SLC44A5: variants seen among roughly 807,000 people sequenced by gnomAD.
The protein encoded by SLC44A5 is choline transporter-like protein 5.
Under a neutral mutation model 101.8 loss-of-function variants are expected in SLC44A5, and 57 were observed. The observed-to-expected ratio is 0.56, with a 90% CI of 0.45 to 0.70. The LOEUF (loss-of-function observed/expected upper bound fraction) is 0.70, where lower values mean the gene tolerates loss of function less well. Among genes scored for constraint, SLC44A5 ranks in the 30% least tolerant of loss-of-function variants. The probability of loss-of-function intolerance (pLI) is 0.00; values close to 1 mark genes in which losing one functional copy is unlikely to be tolerated. For synonymous variants in SLC44A5, 281 were observed against 290.9 expected (o/e 0.97, Z 0.35); for missense variants, 737 against 853.1 (o/e 0.86, Z 1.70).
intron 4 of SLC44A5, among the ~76,000 whole-genome samples, chr1:75,318,326 A>G (rs1381489958): frequency 6.6e-6 from 1 of 151,856 alleles, no homozygotes; most frequent in African/African-American, 2.4e-5. Flanking sequence ...ACAGTGAGTG[A>G]TGATTGTGCC....
At chr1:75,248,183 CAG>C (rs1220724792) in intron 7 of SLC44A5, among the ~76,000 whole-genome samples, 1 of 151,932 alleles carries the variant, frequency 6.6e-6, no homozygotes, top group Non-Finnish European at 1.5e-5. Flanking sequence ...ATACTAGAGA[CAG>C]AGAGGAATGG....
At chr1:75,573,146 A>G (rs2102043660) in intron 1 of SLC44A5, among the ~76,000 whole-genome samples, 1 of 150,016 alleles carries the variant, frequency 6.7e-6, no homozygotes, top group Admixed American at 6.6e-5. Context: ...AAAAAAAAAA[A>G]AAAAAAAAGG....
At chr1:75,703,711 A>G in the SLC44A5 span, among the ~76,000 whole-genome samples, 319 of 152,182 alleles carry the variant, frequency 2.1e-3, 2 homozygotes, top group African/African-American at 7.2e-3. Context: ...GTGTGTCAGA[A>G]GGCATACAGC....
At chr1:75,611,204 A>G, upstream of SLC44A5, 1 of 485,268 alleles carries the variant, frequency 2.1e-6, no homozygotes, top group Non-Finnish European at 2.7e-6. Context: ...AGGTCCTACT[A>G]GCCTTGCTAG....
Position 75,241,930 on chromosome 1 carries a change from A to C in SLC44A5, c.532+71T>G, listed in dbSNP as rs1648666398. 8 of 1,344,118 alleles carry C rather than the reference A, an allele frequency of 6.0e-6. No homozygotes were observed. The South Asian group carries it at 9.5e-5, about 16-fold the overall frequency. 83.3% of individuals were successfully genotyped at this position (1,344,118 alleles called of 1,614,324 possible). On this transcript the variant is annotated intron_variant, in intron 9 of 23. Coordinates refer to ENST00000370859, the MANE Select transcript of SLC44A5 (RefSeq NM_001130058.2). ...CTTGGCCTCAGTCTCATCAATTGTGAAATACGGGAACTTAATTAAGTAGCA... is the reference window on the plus strand; with the variant it reads ...CTTGGCCTCAGTCTCATCAATTGTGCAATACGGGAACTTAATTAAGTAGCA...
the SLC44A5 span, among the ~76,000 whole-genome samples, chr1:75,627,598 G>T: frequency 6.6e-6 from 1 of 151,948 alleles, no homozygotes; most frequent in African/African-American, 2.4e-5. Context: ...CAGGAGGATT[G>T]CTTGAAACCA....
the SLC44A5 span, among the ~76,000 whole-genome samples, chr1:75,717,248 T>C: frequency 6.8e-6 from 1 of 147,762 alleles, no homozygotes; most frequent in Non-Finnish European, 1.5e-5. Context: ...GGCTGAGGCA[T>C]GAGAATCACT....
At chr1:75,662,501 G>C in the SLC44A5 span, among the ~76,000 whole-genome samples, 2 of 152,042 alleles carry the variant, frequency 1.3e-5, no homozygotes, top group Non-Finnish European at 2.9e-5. Context: ...ATAGCTAGAA[G>C]AGAAGATATG....
intron 18 of SLC44A5, among the ~76,000 whole-genome samples, chr1:75,216,776 T>C (rs1033341920): frequency 2.0e-5 from 3 of 152,166 alleles, no homozygotes; most frequent in East Asian, 3.9e-4. Context: ...TCTATTCAAG[T>C]TCTTTGTCCA....
At chr1:75,679,977 A>G in the SLC44A5 span, among the ~76,000 whole-genome samples, 4 of 152,212 alleles carry the variant, frequency 2.6e-5, no homozygotes, top group African/African-American at 9.7e-5. Flanking sequence ...TCTCTGATAA[A>G]AAAGACTTTA....
intron 2 of SLC44A5, among the ~76,000 whole-genome samples, chr1:75,485,875 C>A (rs1668124644): frequency 6.6e-6 from 1 of 152,044 alleles, no homozygotes; most frequent in Non-Finnish European, 1.5e-5. Context: ...TGGTCAGGGG[C>A]AGGAAGTACC....
intron 1 of SLC44A5, among the ~76,000 whole-genome samples, chr1:75,601,214 T>C (rs1162431990): frequency 6.6e-6 from 1 of 152,160 alleles, no homozygotes; most frequent in Admixed American, 6.6e-5. Context: ...CTTGAGTTCA[T>C]GTCATTTGCA....
chr1:75,451,499 A>G (rs1227287287), intron 2 of SLC44A5, among the ~76,000 whole-genome samples: 1 of 152,162 alleles, frequency 6.6e-6, no homozygotes, highest in Non-Finnish European at 1.5e-5. Context: ...GAACAAAAAA[A>G]TAATAATATT....
At chr1:75,717,554 G>A in the SLC44A5 span, among the ~76,000 whole-genome samples, 1 of 152,034 alleles carries the variant, frequency 6.6e-6, no homozygotes, top group Non-Finnish European at 1.5e-5. Flanking sequence ...CACCAAACCT[G>A]TGACATGCAG....
chr1:75,412,368 A>G (rs1332131753), intron 2 of SLC44A5, among the ~76,000 whole-genome samples: 1 of 152,162 alleles, frequency 6.6e-6, no homozygotes, highest in East Asian at 1.9e-4. Flanking sequence ...AAGTGCTTCT[A>G]TAACTACATC....
chr1:75,674,583 T>C, the SLC44A5 span, among the ~76,000 whole-genome samples: 3 of 147,152 alleles, frequency 2.0e-5, no homozygotes, highest in South Asian at 2.2e-4. Flanking sequence ...TTTCATCATG[T>C]TGGTGAGACT....
the SLC44A5 span, among the ~76,000 whole-genome samples, chr1:75,692,352 C>A: frequency 0.01 from 1,586 of 151,846 alleles, 13 homozygotes; most frequent in Non-Finnish European, 0.016. Context: ...TGCCAACATG[C>A]CCAGCTAATT....
the SLC44A5 span, among the ~76,000 whole-genome samples, chr1:75,722,752 T>A: frequency 6.6e-6 from 1 of 152,202 alleles, no homozygotes; most frequent in East Asian, 1.9e-4. Context: ...AAGTTATCAT[T>A]TCTACGTTCG....
chr1:75,324,815 T>C (rs1656450489), intron 4 of SLC44A5, among the ~76,000 whole-genome samples: 1 of 152,164 alleles, frequency 6.6e-6, no homozygotes, highest in Non-Finnish European at 1.5e-5. Context: ...TTTTATCTGC[T>C]CCATGGTTTT....
Sources: gnomAD v4.1 joint callset for allele counts (sites outside exome capture counted in the v4.1 genomes callset) on GRCh38, gnomAD v4.1.1 for gene constraint, MANE v1.5 for transcripts, NCBI Gene and HGNC (gene_info 2026-07-23, HGNC 2026-07-21) for gene names.